The following SERPINB1 variants were observed in gnomAD, a reference collection of about 807,000 sequenced individuals.
The protein encoded by SERPINB1 is serpin family B member 1, also known as leukocyte elastase inhibitor.
In SERPINB1, 23 loss-of-function variants were observed where a neutral mutation model predicts 25.9. That is an observed-to-expected ratio of 0.89 (90% CI 0.64 to 1.26). The LOEUF (loss-of-function observed/expected upper bound fraction) is 1.26. Among genes scored for constraint, SERPINB1 ranks in the 50% most tolerant of loss-of-function variants. The pLI is 0.00. For synonymous variants in SERPINB1, 178 were observed against 178.7 expected, an observed-to-expected ratio of 1.00 and a Z score of 0.03; for missense variants, 399 against 463.6, an observed-to-expected ratio of 0.86 and a Z score of 1.28.
rs376455617 is a variant in SERPINB1 at position 2,837,834 on chromosome 6, G to T, written c.424+48C>A. 7.2e-7 allele frequency: 1 copy of T among 1,380,816 alleles called. No homozygotes were observed. 85.5% of individuals were successfully genotyped at this position (1,380,816 alleles called of 1,614,324 possible). A position where few individuals can be genotyped will look rare whatever the true frequency, so the allele number is the denominator to read the frequency against. ...GGTAGGGAAGGCGGACTGAGGAAACGAATGACATGACCAGCGCATAATGAT... is the reference window on the plus strand; with the variant it reads ...GGTAGGGAAGGCGGACTGAGGAAACTAATGACATGACCAGCGCATAATGAT... On this transcript the variant is annotated intron_variant, in intron 4 of 6. Transcript: ENST00000380739. This position sits in a 1 kb window ranked among gnomAD's most constrained non-coding sequence, Gnocchi z 4.3.
At chr6:2,840,165 T>C (rs1766605340) in intron 2 of SERPINB1, among the ~76,000 whole-genome samples, 1 of 152,118 alleles carries the variant, frequency 6.6e-6, no homozygotes, top group Admixed American at 6.5e-5. Flanking sequence ...CCTGCAGGGA[T>C]TTTTGTCAGC....
In SERPINB1 at chr6:2,835,964, G is replaced by A. The variant is rs373748711; in HGVS notation, c.627C>T (p.Ile209=). 40 of 1,614,126 alleles carry A rather than the reference G, an allele frequency of 2.5e-5. No individual in the cohort carries two copies. The highest frequency in any genetic ancestry group is 3.1e-5 in the Non-Finnish European group (36 of 1,180,020). Residue 209 remains isoleucine (I), a synonymous_variant, in exon 6 of 7, where the codon ATC becomes ATT. Transcript: ENST00000380739. ...CCAGCACACGGCACTTAAGGTCCTC[G>A]ATGTAGCCATATGCAAATTTTTTCT... The part of the protein sequence containing the change: ...YQKKKFAYGY[I]EDLKCRVLEL...
At chr6:2,838,790 T>A in intron 2 of SERPINB1, 104 bp from the exon 3 acceptor site, 1 of 912,506 alleles carries the variant, frequency 1.1e-6, no homozygotes, top group Non-Finnish European at 1.5e-6. Flanking sequence ...TTTTTATTAC[T>A]AATTATTGAT....
At chr6:2,836,061 C>A (rs200620696) in intron 5 of SERPINB1, 38 bp from the exon 6 acceptor site, 1 of 1,613,684 alleles carries the variant, frequency 6.2e-7, no homozygotes, top group Non-Finnish European at 8.5e-7. Context: ...TTATTCTCTG[C>A]ATTCTTTTAG....
chr6:2,840,663 C>T (rs1766622652), intron 1 of SERPINB1, 69 bp from the exon 2 acceptor site: 1 of 1,435,124 alleles, frequency 7.0e-7, no homozygotes, highest in African/African-American at 1.4e-5. Context: ...CACTATTTCT[C>T]CAGAAGCTTC....
At chr6:2,840,878 C>T (rs1363118215) in intron 1 of SERPINB1, among the ~76,000 whole-genome samples, 5 of 152,034 alleles carry the variant, frequency 3.3e-5, no homozygotes, top group Admixed American at 3.3e-4. Flanking sequence ...GGGGGTGGGG[C>T]GGGGGTAAGG....
Position 2,832,952 on chromosome 6 carries a change from C to T in SERPINB1, c.*656G>A, listed in dbSNP as rs1477522460. On this transcript the variant is annotated 3_prime_UTR_variant, in exon 7 of 7. Transcript: ENST00000380739. ...ACTCTTGGTATCTTTTATCCTAAGA[C>T]ACCCACTTCTTGATTTCATGCAGCG... is the stretch of plus-strand genomic sequence containing the variant. The T allele has an allele frequency of 6.6e-6, 1 of 152,222 alleles. No individual in the cohort carries two copies. The highest frequency in any genetic ancestry group is 1.5e-5 in the Non-Finnish European group (1 of 68,058). The allele number at this position is 152,222 out of a possible 1,614,324, so 9.4% of individuals were successfully genotyped here. A position where few individuals can be genotyped will look rare whatever the true frequency, so the allele number is the denominator to read the frequency against.
intron 4 of SERPINB1, among the ~76,000 whole-genome samples, chr6:2,836,944 TG>T (rs1361546183): frequency 5.9e-5 from 9 of 152,232 alleles, no homozygotes; most frequent in Non-Finnish European, 1.2e-4. Context: ...TAAGTATGGC[TG>T]GGAACAATTC....
In SERPINB1 at chr6:2,832,946, C is replaced by G. The variant is rs1435379141; in HGVS notation, c.*662G>C. On this transcript the variant is annotated 3_prime_UTR_variant, in exon 7 of 7. Coordinates refer to ENST00000380739, the MANE Select transcript of SERPINB1 (RefSeq NM_030666.4). Reference sequence around the variant, plus strand: ...TTGTAGACTCTTGGTATCTTTTATCCTAAGACACCCACTTCTTGATTTCAT... The same window carrying G: ...TTGTAGACTCTTGGTATCTTTTATCGTAAGACACCCACTTCTTGATTTCAT... The G allele has an allele frequency of 6.6e-6, 1 of 152,152 alleles. No individual in the cohort carries two copies. The highest frequency in any genetic ancestry group is 2.4e-5 in the African/African-American group (1 of 41,428). The allele number at this position is 152,152 out of a possible 1,614,324, so 9.4% of individuals were successfully genotyped here. A position where few individuals can be genotyped will look rare whatever the true frequency, so the allele number is the denominator to read the frequency against.
At position 2,835,947 on chromosome 6, in the gene SERPINB1, C is replaced by T. The variant is rs144562805; in HGVS notation, c.644G>A (p.Arg215His). The T allele has an allele frequency of 3.7e-5, 59 of 1,614,046 alleles. No homozygotes were observed. The highest frequency in any genetic ancestry group is 4.4e-5 in the South Asian group (4 of 91,078). ...GCCTTGGTAAGGCAGTTCCAGCACA[C>T]GGCACTTAAGGTCCTCGATGTAGCC... ...AYGYIEDLKC[R>H]VLELPYQGEE... Residue 215 changes from arginine (R) to histidine (H), a missense_variant, in exon 6 of 7, where the codon CGT becomes CAT. Transcript: ENST00000380739.
chr6:2,840,664 C>T, intron 1 of SERPINB1, 70 bp from the exon 2 acceptor site: 1 of 1,437,034 alleles, frequency 7.0e-7, no homozygotes, highest in South Asian at 1.4e-5. Flanking sequence ...ACTATTTCTC[C>T]AGAAGCTTCC....
At chr6:2,835,692 A>G (rs1450372867) in intron 6 of SERPINB1, among the ~76,000 whole-genome samples, 164 bp downstream of exon 6, 4 of 152,210 alleles carry the variant, frequency 2.6e-5, no homozygotes, top group African/African-American at 9.6e-5. Context: ...TTAAAAAAAA[A>G]TTAACTCTGG....
At position 2,837,899 on chromosome 6, in the gene SERPINB1, ACC is replaced by A; in HGVS notation, c.405_406del (p.Trp135CysfsTer19). 1.9e-6 allele frequency: 3 copies of A among 1,613,322 alleles called. No homozygotes were observed. Reference sequence around the variant, plus strand: ...GCTCTCACCTTCTGTCTGTCCTTTGACCCACTGGTTTATGGTCTTCCTTGCAT... The same window carrying A: ...GCTCTCACCTTCTGTCTGTCCTTTGACACTGGTTTATGGTCTTCCTTGCAT... On this transcript the variant is annotated frameshift_variant, in exon 4 of 7. Coordinates refer to ENST00000380739, the MANE Select transcript of SERPINB1 (RefSeq NM_030666.4). LOFTEE classifies it high-confidence loss of function. The surrounding 1 kb of genome is among the most constrained non-coding windows in gnomAD (Gnocchi z 4.3).
rs921748132 is a variant in SERPINB1 at position 2,833,343 on chromosome 6, G to A, written c.*265C>T. ...GATTACTACATGGTCAAGAATCTACGCATCGGATGTATTCTTTTCTTCTTC... is the reference window on the plus strand; with the variant it reads ...GATTACTACATGGTCAAGAATCTACACATCGGATGTATTCTTTTCTTCTTC... On this transcript the variant is annotated 3_prime_UTR_variant, in exon 7 of 7. Transcript: ENST00000380739. The A allele has an allele frequency of 4.5e-5, 16 of 352,094 alleles. No homozygotes were observed. The highest frequency in any genetic ancestry group is 1.1e-4 in the African/African-American group (5 of 47,342). The allele number at this position is 352,094 out of a possible 1,614,324, so 21.8% of individuals were successfully genotyped here.
chr6:2,832,771 C>T lies in SERPINB1; in HGVS notation c.*837G>A, dbSNP rs1448462545. On this transcript the variant is annotated 3_prime_UTR_variant, in exon 7 of 7. Transcript: ENST00000380739. ...GCGGTGAGCTGAGATCGTGCCACTG[C>T]ACTCCAGCCTGGGTAACAGAGCAAG... 5 of 148,902 alleles carry T rather than the reference C, an allele frequency of 3.4e-5. No individual in the cohort carries two copies. Among genetic ancestry groups the T allele is most frequent in the Non-Finnish European group, 5.9e-5 (4 of 67,782 alleles). The allele number at this position is 148,902 out of a possible 1,614,324, so 9.2% of individuals were successfully genotyped here. A position where few individuals can be genotyped will look rare whatever the true frequency, so the allele number is the denominator to read the frequency against.
chr6:2,838,047 A>G (rs1766547261), intron 3 of SERPINB1, 48 bp from the exon 4 acceptor site: 2 of 1,265,980 alleles, frequency 1.6e-6, no homozygotes, highest in East Asian at 4.9e-5. Flanking sequence ...CCTACTACAT[A>G]TAGAAATTGT....
At chr6:2,836,431 T>C (rs920443462) in intron 4 of SERPINB1, among the ~76,000 whole-genome samples, 181 bp from the exon 5 acceptor site, 1 of 152,162 alleles carries the variant, frequency 6.6e-6, no homozygotes, top group Non-Finnish European at 1.5e-5. Flanking sequence ...TATAACAACC[T>C]GTGGGGCAGA....
chr6:2,835,743 G>A, intron 6 of SERPINB1, 113 bp downstream of exon 6: 1 of 1,203,492 alleles, frequency 8.3e-7, no homozygotes, highest in South Asian at 1.5e-5. Flanking sequence ...ATTTACAAAG[G>A]AATGACAAAC....
rs914510147 is a variant in SERPINB1, at chr6:2,833,928, G to C, written c.820C>G (p.Pro274Ala). 5 of 1,614,002 alleles carry C rather than the reference G, an allele frequency of 3.1e-6. No individual in the cohort carries two copies. In the African/African-American group the frequency reaches 6.7e-5, roughly 22 times the overall value. ...LDFIEVNVSL[P>A]RFKLEESYTL... is the part of the protein sequence containing the mutation. ...TAACTCTCTTCCAGTTTGAACCTGG[G>C]CAAGCTGACATTAACTTCAATGAAA... The change falls in exon 7 of 7, where the codon CCC becomes GCC. Residue 274 changes from proline to alanine, a missense_variant. Transcript: ENST00000380739.
Sources: allele counts gnomAD v4.1 joint callset (sites outside exome capture counted in the v4.1 genomes callset), GRCh38; gene constraint gnomAD v4.1.1; non-coding constraint Gnocchi (gnomAD v3.1); transcripts MANE v1.5; gene names NCBI Gene and HGNC (gene_info 2026-07-23, HGNC 2026-07-21).